SPATA12: variants seen among roughly 807,000 people sequenced by gnomAD.
SPATA12 encodes spermatogenesis associated 12.
For synonymous variants in SPATA12, 85 were observed against 89.2 expected (o/e 0.95, Z 0.26); for missense variants, 219 against 226.4 (o/e 0.97, Z 0.21).
Position 57,074,370 on chromosome 3 carries a change from T to G in SPATA12, c.*103T>G. ...ATCCCCCACCCCCACCAGGGGTGACTCGTAGCCATCCCTTTCTGCATCTTC... is the reference window on the plus strand; with the variant it reads ...ATCCCCCACCCCCACCAGGGGTGACGCGTAGCCATCCCTTTCTGCATCTTC... On this transcript the variant is annotated 3_prime_UTR_variant, in exon 2 of 2. Transcript: ENST00000334325. 1.0e-6 allele frequency: 1 copy of G among 979,180 alleles called. No individual in the cohort carries two copies. The highest frequency in any genetic ancestry group is 1.6e-6 in the Non-Finnish European group (1 of 642,914). 60.7% of individuals were successfully genotyped at this position (979,180 alleles called of 1,614,324 possible). A position where few individuals can be genotyped will look rare whatever the true frequency, so the allele number is the denominator to read the frequency against.
intron 1 of SPATA12, among the ~76,000 whole-genome samples, chr3:57,067,760 T>C (rs900100437): frequency 2.7e-5 from 4 of 149,368 alleles, no homozygotes; most frequent in African/African-American, 9.9e-5. Context: ...GGCGGGCGGA[T>C]CATGAGGTCA....
At chr3:57,072,549 T>C (rs1413624805) in intron 1 of SPATA12, among the ~76,000 whole-genome samples, 3 of 151,548 alleles carry the variant, frequency 2.0e-5, no homozygotes, top group Non-Finnish European at 2.9e-5. Flanking sequence ...AAGACCAGCC[T>C]GGGCAACATG....
In SPATA12 at chr3:57,074,085, G is replaced by A; in HGVS notation, c.391G>A (p.Gly131Ser). The change falls in exon 2 of 2, where the codon GGT (glycine) becomes AGT (serine). Residue 131 changes from glycine to serine, a missense_variant. Transcript: ENST00000334325. The part of the protein sequence containing the change: ...VIHNSTPQFL[G>S]MEDGDNERTT... The stretch of plus-strand genomic sequence containing the variant: ...TCATAACTCTACACCTCAATTTCTT[G>A]GTATGGAAGATGGGGATAATGAGAG... The A allele has an allele frequency of 6.2e-7, 1 of 1,614,022 alleles. No individual in the cohort carries two copies. Among genetic ancestry groups the A allele is most frequent in the Non-Finnish European group, 8.5e-7 (1 of 1,179,906 alleles).
chr3:57,067,914 T>C (rs1008180604), intron 1 of SPATA12, among the ~76,000 whole-genome samples: 2 of 151,088 alleles, frequency 1.3e-5, no homozygotes. Context: ...GGCGTGAACC[T>C]GGGAGGCAGA....
At chr3:57,065,776 G>A (rs1705492259) in intron 1 of SPATA12, among the ~76,000 whole-genome samples, 1 of 152,126 alleles carries the variant, frequency 6.6e-6, no homozygotes, top group Admixed American at 6.5e-5. Flanking sequence ...GGAGAGGCAA[G>A]GTCATCCTCA....
At chr3:57,065,533 G>T (rs1365324464) in intron 1 of SPATA12, among the ~76,000 whole-genome samples, 1 of 152,146 alleles carries the variant, frequency 6.6e-6, no homozygotes, top group Non-Finnish European at 1.5e-5. Context: ...TGGAACTAGT[G>T]GTGATATCTG....
chr3:57,065,629 T>A (rs1211158926), intron 1 of SPATA12, among the ~76,000 whole-genome samples: 2 of 152,098 alleles, frequency 1.3e-5, no homozygotes, highest in Non-Finnish European at 2.9e-5. Context: ...TCAATAAAAA[T>A]AAAAGCTATA....
intron 1 of SPATA12, among the ~76,000 whole-genome samples, chr3:57,071,837 CCA>C (rs1246277185): frequency 6.6e-6 from 1 of 151,996 alleles, no homozygotes; most frequent in African/African-American, 2.4e-5. Context: ...AAAAAATAAC[CCA>C]CAGAATGGGC....
chr3:57,072,226 T>G (rs1705947211), intron 1 of SPATA12, among the ~76,000 whole-genome samples: 2 of 152,110 alleles, frequency 1.3e-5, no homozygotes, highest in African/African-American at 4.8e-5. Context: ...CTCAAAATGT[T>G]AAGAGTTACC....
At chr3:57,066,692 G>A (rs1705557388) in intron 1 of SPATA12, among the ~76,000 whole-genome samples, 1 of 152,254 alleles carries the variant, frequency 6.6e-6, no homozygotes, top group Non-Finnish European at 1.5e-5. Context: ...ACATTTCTGT[G>A]AAGGTATTTT....
chr3:57,068,655 C>G lies in SPATA12; in HGVS notation c.-329-4711C>G, dbSNP rs79226747. Among the ~76,000 whole-genome samples the G allele has an allele frequency of 9.0e-3, 1,372 of 152,290 alleles. 32 individuals carry two copies. Among genetic ancestry groups the G allele is most frequent in the African/African-American group, 0.031 (1,305 of 41,572 alleles). On this transcript the variant is annotated intron_variant, in intron 1 of 1. Coordinates refer to ENST00000334325, the MANE Select transcript of SPATA12 (RefSeq NM_181727.2). The stretch of plus-strand genomic sequence containing the variant: ...GGAGAGAAACAGTCCTCCCCACCCC[C>G]TTGGGAGATGTGTCATAGAGATAGG...
In SPATA12 at chr3:57,074,169, G is replaced by A; in HGVS notation, c.475G>A (p.Gly159Arg). 6.2e-7 allele frequency: 1 copy of A among 1,614,188 alleles called. No homozygotes were observed. Among genetic ancestry groups the A allele is most frequent in the Middle Eastern group, 1.6e-4 (1 of 6,062 alleles). The change falls in exon 2 of 2, where the codon GGG (glycine) becomes AGG (arginine). Residue 159 changes from glycine to arginine, a missense_variant. By Grantham distance (125) the Gly-to-Arg change is moderately radical. Coordinates refer to ENST00000334325, the MANE Select transcript of SPATA12 (RefSeq NM_181727.2). Reference sequence around the variant, plus strand: ...TATAGATGCCGAGCCCAGTAGCACAGGGTGCAGCCGTTCAAACCAACTGAC... The same window carrying A: ...TATAGATGCCGAGCCCAGTAGCACAAGGTGCAGCCGTTCAAACCAACTGAC... ...EDIDAEPSST[G>R]CSRSNQLTFT...
At chr3:57,068,643 C>T (rs564448761) in intron 1 of SPATA12, among the ~76,000 whole-genome samples, 33 of 152,272 alleles carry the variant, frequency 2.2e-4, no homozygotes, top group African/African-American at 7.9e-4. Context: ...GAGAAACAGT[C>T]CTCCCCACCC....
chr3:57,073,742 A>G lies in SPATA12; in HGVS notation c.48A>G (p.Gly16=). 6.2e-7 allele frequency: 1 copy of G among 1,614,204 alleles called. No individual in the cohort carries two copies. Among genetic ancestry groups the G allele is most frequent in the Non-Finnish European group, 8.5e-7 (1 of 1,180,048 alleles). ...GTGGGTCCACCTTAGAAAAGTCAGG[A>G]GACACCTGGGAAATGAAGGCACTAG... is the stretch of plus-strand genomic sequence containing the variant. ...LTCGSTLEKS[G]DTWEMKALDS... Residue 16 remains glycine (G), a synonymous_variant, in exon 2 of 2, where the codon GGA becomes GGG. Transcript: ENST00000334325.
chr3:57,073,567 G>C lies in SPATA12; in HGVS notation c.-128G>C. Reference sequence around the variant, plus strand: ...CCGGGATGATTGGTGGTGGGGTGTGGCTGAAGGTGAATTGGAACAGTGCAC... The same window carrying C: ...CCGGGATGATTGGTGGTGGGGTGTGCCTGAAGGTGAATTGGAACAGTGCAC... On this transcript the variant is annotated 5_prime_UTR_variant, in exon 2 of 2. Transcript: ENST00000334325. 1 of 1,425,946 alleles carries C rather than the reference G, an allele frequency of 7.0e-7. No homozygotes were observed. The highest frequency in any genetic ancestry group is 9.2e-7 in the Non-Finnish European group (1 of 1,086,680). The allele number at this position is 1,425,946 out of a possible 1,614,324, so 88.3% of individuals were successfully genotyped here.
At chr3:57,064,039 G>A (rs2107360142) in intron 1 of SPATA12, among the ~76,000 whole-genome samples, 1 of 152,354 alleles carries the variant, frequency 6.6e-6, no homozygotes, top group Non-Finnish European at 1.5e-5. Flanking sequence ...GGCCCAGGGA[G>A]GGGGACTGCC....
chr3:57,066,348 G>A (rs1163040742), intron 1 of SPATA12, among the ~76,000 whole-genome samples: 1 of 150,062 alleles, frequency 6.7e-6, no homozygotes, highest in Non-Finnish European at 1.5e-5. Context: ...CGCAACCTCC[G>A]CCTCCCAGGT....
Position 57,069,736 on chromosome 3 carries a change from C to T in SPATA12, c.-329-3630C>T, listed in dbSNP as rs533766326. On this transcript the variant is annotated intron_variant, in intron 1 of 1. Transcript: ENST00000334325. The stretch of plus-strand genomic sequence containing the variant: ...CACAGCTCATTGCAGCGTCAAACAA[C>T]GGGGCTCAAGCTATCCTCCCACCTT... 1.4e-4 allele frequency among the ~76,000 whole-genome samples: 21 copies of T among 152,250 alleles called. No homozygotes were observed. In the East Asian group the frequency reaches 3.7e-3, roughly 27 times the overall value.
intron 1 of SPATA12, among the ~76,000 whole-genome samples, chr3:57,063,727 A>T (rs992285873): frequency 1.1e-4 from 17 of 152,168 alleles, no homozygotes; most frequent in Admixed American, 2.0e-4. Flanking sequence ...GTCAGGAAGG[A>T]TGGCAACAGA....
Sources: allele counts gnomAD v4.1 joint callset (sites outside exome capture counted in the v4.1 genomes callset), GRCh38; gene constraint gnomAD v4.1.1; transcripts MANE v1.5; gene names NCBI Gene and HGNC (gene_info 2026-07-23, HGNC 2026-07-21).